Variants in RAI14 observed in about 807,000 individuals in gnomAD.
The protein encoded by RAI14 is ankycorbin.
RAI14 carries 45 observed loss-of-function variants against 115.4 expected under a neutral mutation model. The ratio of observed to expected loss-of-function variants is 0.39; its 90% CI spans 0.31 to 0.50. The LOEUF is 0.50. Among genes scored for constraint, RAI14 ranks in the 20% least tolerant of loss-of-function variants. RAI14 has a pLI of 0.85. For missense variants in RAI14, 939 were observed against 1,131.2 expected (o/e 0.83, Z 2.44); for synonymous variants, 371 against 415.4 (o/e 0.89, Z 1.30).
chr5:34,798,286 G>A (rs112574551), intron 4 of RAI14, among the ~76,000 whole-genome samples: 18,772 of 151,064 alleles, frequency 0.12, 1,652 homozygotes, highest in Non-Finnish European at 0.17. Flanking sequence ...TGATCCACCC[G>A]CCTTGGCATC....
At chr5:34,674,923 A>G in intron 1 of RAI14, among the ~76,000 whole-genome samples, 1 of 138,330 alleles carries the variant, frequency 7.2e-6, no homozygotes, top group Non-Finnish European at 1.5e-5. Context: ...TTTGAGACTG[A>G]GTCTCGCTTT....
At chr5:34,720,260 G>A (rs1191408014) in intron 2 of RAI14, among the ~76,000 whole-genome samples, 1 of 152,102 alleles carries the variant, frequency 6.6e-6, no homozygotes, top group East Asian at 1.9e-4. Context: ...AAATGTATAT[G>A]TATCATATAG....
Position 34,823,165 on chromosome 5 carries a change from A to G in RAI14, c.1323A>G (p.Leu441=), listed in dbSNP as rs746990586. The G allele has an allele frequency of 2.5e-6, 4 of 1,613,486 alleles. No individual in the cohort carries two copies. In the South Asian group the frequency reaches 4.4e-5, roughly 18 times the overall value. ...IQQLQEILQD[L]QKRLESSEAE... ...AACTGCAAGAGATTTTGCAAGATCT[A>G]CAGAAGAGATTAGAGAGCTCTGAAG... Residue 441 remains leucine, a synonymous_variant, in exon 15 of 18, where the codon CTA becomes CTG. Transcript: ENST00000265109. This position sits in a 1 kb window ranked among gnomAD's most constrained non-coding sequence, Gnocchi z 4.5.
intron 2 of RAI14, among the ~76,000 whole-genome samples, chr5:34,688,990 G>A (rs1265758614): frequency 2.0e-5 from 3 of 152,152 alleles, no homozygotes; most frequent in Non-Finnish European, 2.9e-5. Flanking sequence ...GGGACATGCA[G>A]TCATTTGTCT....
intron 2 of RAI14, among the ~76,000 whole-genome samples, chr5:34,723,979 T>G (rs886695710): frequency 2.0e-5 from 3 of 152,198 alleles, no homozygotes; most frequent in African/African-American, 7.2e-5. Context: ...TTATTATCTT[T>G]ATTATGGCAT....
chr5:34,731,552 T>A (rs1744180769), intron 2 of RAI14, among the ~76,000 whole-genome samples: 1 of 152,212 alleles, frequency 6.6e-6, no homozygotes, highest in African/African-American at 2.4e-5. Context: ...CCTGGATATG[T>A]GGAGGCTGTG....
rs1415777314 is a variant in RAI14 at position 34,813,673 on chromosome 5, G to A, written c.852+13G>A. 2 of 1,582,250 alleles carry A rather than the reference G, an allele frequency of 1.3e-6. No homozygotes were observed. The highest frequency in any genetic ancestry group is 8.6e-7 in the Non-Finnish European group (1 of 1,157,870). On this transcript the variant is annotated intron_variant, in intron 11 of 17. Coordinates refer to ENST00000265109, the MANE Select transcript of RAI14 (RefSeq NM_015577.3). ...CAGTCCTACCCAGGTAAAAACAAAA[G>A]CAAACCAACAATCAATAAACGCACC...
intron 3 of RAI14, among the ~76,000 whole-genome samples, chr5:34,782,343 G>C (rs1252548546): frequency 6.6e-6 from 1 of 152,078 alleles, no homozygotes; most frequent in Non-Finnish European, 1.5e-5. Context: ...ACTTCTCCCA[G>C]GAGTCAGGTT....
At position 34,669,045 on chromosome 5, in the gene RAI14, C is replaced by T. The variant is rs370064705; in HGVS notation, c.-49+12570C>T. ...CTAATTTTTGTATTTTCAGTAGAGACGGGGTTTCACTATGTTGGCCAGGAT... is the reference window on the plus strand; with the variant it reads ...CTAATTTTTGTATTTTCAGTAGAGATGGGGTTTCACTATGTTGGCCAGGAT... On this transcript the variant is annotated intron_variant, in intron 1 of 17. Coordinates refer to ENST00000265109, the MANE Select transcript of RAI14 (RefSeq NM_015577.3). 5.9e-5 allele frequency among the ~76,000 whole-genome samples: 9 copies of T among 151,940 alleles called. No homozygotes were observed. The East Asian group carries it at 1.5e-3, about 26-fold the overall frequency.
chr5:34,713,737 A>G (rs954331468), intron 2 of RAI14, among the ~76,000 whole-genome samples: 2 of 151,560 alleles, frequency 1.3e-5, no homozygotes, highest in South Asian at 2.1e-4. Flanking sequence ...AGATGGCTTC[A>G]TTGTCTATGG....
chr5:34,751,079 G>T (rs551994046), intron 2 of RAI14, among the ~76,000 whole-genome samples: 1 of 150,960 alleles, frequency 6.6e-6, no homozygotes, highest in Non-Finnish European at 1.5e-5. Flanking sequence ...TCGAACTCCC[G>T]AACTCAGGTG....
At chr5:34,708,360 G>C (rs773301007) in intron 2 of RAI14, among the ~76,000 whole-genome samples, 1 of 151,908 alleles carries the variant, frequency 6.6e-6, no homozygotes, top group African/African-American at 2.4e-5. Context: ...GCGCCACCTC[G>C]CCCGGCTAAT....
chr5:34,794,917 AG>A (rs1753330054), intron 3 of RAI14, among the ~76,000 whole-genome samples: 1 of 152,160 alleles, frequency 6.6e-6, no homozygotes, highest in African/African-American at 2.4e-5. Flanking sequence ...GCATTAATTC[AG>A]AGGTACAGAC....
At chr5:34,703,857 G>A (rs993822950) in intron 2 of RAI14, among the ~76,000 whole-genome samples, 10 of 152,182 alleles carry the variant, frequency 6.6e-5, no homozygotes, top group Non-Finnish European at 1.2e-4. Flanking sequence ...TACAAGCCTC[G>A]TAAATTGCCC....
chr5:34,685,023 T>TG (rs1227253995), intron 1 of RAI14: 1 of 151,788 alleles, frequency 6.6e-6, no homozygotes, highest in Non-Finnish European at 1.5e-5. Context: ...TATTTTCATT[T>TG]TTTTTTAGCT....
intron 2 of RAI14, among the ~76,000 whole-genome samples, chr5:34,730,040 G>A (rs2150019159): frequency 6.6e-6 from 1 of 152,278 alleles, no homozygotes; most frequent in South Asian, 2.1e-4. Flanking sequence ...AGATGATCTG[G>A]CAGGCAAGGG....
intron 2 of RAI14, among the ~76,000 whole-genome samples, chr5:34,751,817 A>G (rs756676020): frequency 6.6e-6 from 1 of 152,220 alleles, no homozygotes; most frequent in Non-Finnish European, 1.5e-5. Context: ...ACCTAGTTCT[A>G]CAAGAAAATA....
In RAI14 at chr5:34,757,572, C is replaced by T. The variant is rs1262935533; in HGVS notation, c.141C>T (p.Thr47=). ...TCGGCAAGAAGGGGGCCAGTGCCAC[C>T]AAACACGACAGTGAGGGCAAGACCG... The part of the protein sequence containing the change: ...SLLGKKGASA[T]KHDSEGKTAF... Residue 47 remains threonine (T), a synonymous_variant, in exon 3 of 18, where the codon ACC becomes ACT. Coordinates refer to ENST00000265109, the MANE Select transcript of RAI14 (RefSeq NM_015577.3). The T allele has an allele frequency of 1.2e-6, 2 of 1,613,314 alleles. No homozygotes were observed. The highest frequency in any genetic ancestry group is 1.3e-5 in the African/African-American group (1 of 74,940).
rs55986330 is a variant in RAI14 at position 34,792,235 on chromosome 5, C to CTTTTTTTTTTTTTTT, written c.168-3702_168-3688dup. Among the ~76,000 whole-genome samples, 8 of 127,474 alleles carry CTTTTTTTTTTTTTTT rather than the reference C, an allele frequency of 6.3e-5. 1 individual carries two copies. Among genetic ancestry groups the CTTTTTTTTTTTTTTT allele is most frequent in the Non-Finnish European group, 6.4e-5 (4 of 62,818 alleles). The allele number at this position is 127,474 out of a possible 152,430, so 83.6% of individuals were successfully genotyped here. ...CTTTCCTGCTTTTCTTTTCTTTTTT[C>CTTTTTTTTTTTTTTT]TTTTTTTTTTTTTTTTGAGACGGAG... On this transcript the variant is annotated intron_variant, in intron 3 of 17. Coordinates refer to ENST00000265109, the MANE Select transcript of RAI14 (RefSeq NM_015577.3).
Sources: allele counts gnomAD v4.1 joint callset (sites outside exome capture counted in the v4.1 genomes callset), GRCh38; gene constraint gnomAD v4.1.1; non-coding constraint Gnocchi (gnomAD v3.1); transcripts MANE v1.5; gene names NCBI Gene and HGNC (gene_info 2026-07-23, HGNC 2026-07-21).